The following TPCN1 variants were observed in gnomAD, a reference collection of about 807,000 sequenced individuals.
TPCN1 encodes the protein two pore segment channel 1.
TPCN1 carries 52 observed loss-of-function variants against 108.8 expected under a neutral mutation model. The observed-to-expected ratio is 0.48, with a 90% CI of 0.38 to 0.60. The LOEUF (loss-of-function observed/expected upper bound fraction) is 0.60, where lower values mean the gene tolerates loss of function less well. Ranked by LOEUF, TPCN1 falls within the 20% of genes least tolerant of loss-of-function variation. The probability of loss-of-function intolerance (pLI) is 0.00; values close to 1 mark genes in which losing one functional copy is unlikely to be tolerated. For missense variants in TPCN1, 806 were observed against 1,072.8 expected (o/e 0.75, Z 3.47); for synonymous variants, 446 against 433.7 (o/e 1.03, Z -0.35).
chr12:113,232,935 T>G lies in TPCN1; in HGVS notation c.112+5971T>G. Among the ~76,000 whole-genome samples, 1 of 152,152 alleles carries G rather than the reference T, an allele frequency of 6.6e-6. No homozygotes were observed. The highest frequency in any genetic ancestry group is 1.9e-4 in the East Asian group (1 of 5,182). On this transcript the variant is annotated intron_variant, in intron 2 of 27. Coordinates refer to ENST00000335509, the MANE Select transcript of TPCN1 (RefSeq NM_017901.6). This position sits in a 1 kb window ranked among gnomAD's most constrained non-coding sequence, Gnocchi z 5.6. The stretch of plus-strand genomic sequence containing the variant: ...TAGCAGCTGGAGACCAAGCAGCAAT[T>G]AGATTTTCACAGGCTCCCACCGAGC...
chr12:113,233,523 G>A (rs1017419528), intron 2 of TPCN1, among the ~76,000 whole-genome samples: 12 of 152,232 alleles, frequency 7.9e-5, no homozygotes, highest in Non-Finnish European at 1.5e-4. Flanking sequence ...CAGCCCCCAC[G>A]CCGCCTTCCT....
At chr12:113,292,002 T>C in intron 25 of TPCN1, 44 bp downstream of exon 25, 2 of 1,547,196 alleles carry the variant, frequency 1.3e-6, no homozygotes, top group Non-Finnish European at 1.8e-6. Context: ...ATCTGCCGCC[T>C]ACCCAGCTCT....
At chr12:113,285,600 T>C (rs1006325404) in intron 17 of TPCN1, among the ~76,000 whole-genome samples, 1 of 152,244 alleles carries the variant, frequency 6.6e-6, no homozygotes, top group Non-Finnish European at 1.5e-5. Flanking sequence ...GGTCTCCAAC[T>C]CCTGGGCTCA....
chr12:113,284,953 A>G lies in TPCN1; in HGVS notation c.1453+182A>G, dbSNP rs3815889. 0.17 allele frequency among the ~76,000 whole-genome samples: 25,764 copies of G among 152,112 alleles called. 2,228 individuals are homozygous for G. The highest frequency in any genetic ancestry group is 0.17 in the Middle Eastern group (51 of 294). ...TTCGTGGTTGTCCGCTGCCCTCTGG[A>G]TGGAGCCCAGATCCTAGGCGTGTGT... On this transcript the variant is annotated intron_variant, in intron 17 of 27. Transcript: ENST00000335509. This position sits in a 1 kb window ranked among gnomAD's most constrained non-coding sequence, Gnocchi z 4.1.
intron 2 of TPCN1, among the ~76,000 whole-genome samples, chr12:113,233,023 C>T (rs568953799): frequency 1.3e-5 from 2 of 152,280 alleles, no homozygotes; most frequent in South Asian, 2.1e-4. Context: ...CAAGGCAGAG[C>T]GTCGGGTGTC....
chr12:113,250,340 A>G (rs1344538077), intron 2 of TPCN1, among the ~76,000 whole-genome samples: 1 of 152,150 alleles, frequency 6.6e-6, no homozygotes, highest in African/African-American at 2.4e-5. Flanking sequence ...CCTTGAAGTC[A>G]CCATATACCT....
rs761415083 is a variant in TPCN1, at chr12:113,260,393, C to T, written c.138C>T (p.Asp46=). The part of the protein sequence containing the change: ...SKNGGSYAIH[D]SQAPSLSSGG... ...ATGGCGGCAGCTATGCCATCCACGA[C>T]TCCCAGGCCCCCAGTCTCAGCTCTG... The change falls in exon 3 of 28, where the codon GAC becomes GAT. Residue 46 remains aspartate, a synonymous_variant. Coordinates refer to ENST00000335509, the MANE Select transcript of TPCN1 (RefSeq NM_017901.6). 1.3e-6 allele frequency: 2 copies of T among 1,509,710 alleles called. No individual in the cohort carries two copies. The highest frequency in any genetic ancestry group is 1.8e-6 in the Non-Finnish European group (2 of 1,134,062). The allele number at this position is 1,509,710 out of a possible 1,614,324, so 93.5% of individuals were successfully genotyped here. A position where few individuals can be genotyped will look rare whatever the true frequency, so the allele number is the denominator to read the frequency against.
At chr12:113,247,706 C>T (rs1954453883) in intron 2 of TPCN1, among the ~76,000 whole-genome samples, 1 of 152,256 alleles carries the variant, frequency 6.6e-6, no homozygotes, top group African/African-American at 2.4e-5. Flanking sequence ...TCCATTTGCA[C>T]CCTTTCTATA....
rs1477254621 is a variant in TPCN1, at chr12:113,273,479, C to G, written c.843-90C>G. Reference sequence around the variant, plus strand: ...GAACCAGGGTTGGAGGCTGGGAAGGCAGACAAGGAGCTGTCCTCTGCAAGG... The same window carrying G: ...GAACCAGGGTTGGAGGCTGGGAAGGGAGACAAGGAGCTGTCCTCTGCAAGG... On this transcript the variant is annotated intron_variant, in intron 9 of 27. Coordinates refer to ENST00000335509, the MANE Select transcript of TPCN1 (RefSeq NM_017901.6). This position sits in a 1 kb window ranked among gnomAD's most constrained non-coding sequence, Gnocchi z 4.0. The G allele has an allele frequency of 2.3e-6, 3 of 1,312,136 alleles. No homozygotes were observed. The African/African-American group carries it at 4.4e-5, about 19-fold the overall frequency. The allele number at this position is 1,312,136 out of a possible 1,614,324, so 81.3% of individuals were successfully genotyped here. A position where few individuals can be genotyped will look rare whatever the true frequency, so the allele number is the denominator to read the frequency against.
rs2303618 is a variant in TPCN1, at chr12:113,272,899, T to C, written c.783+207T>C. 0.11 allele frequency among the ~76,000 whole-genome samples: 16,611 copies of C among 152,124 alleles called. 1,062 individuals carry two copies. The highest frequency in any genetic ancestry group is 0.21 in the East Asian group (1,060 of 5,156). ...GAGAGCTGGGGATCCCCTTTTCTGTTCTTGAAAGGAGTGCCGCCAGGATCA... is the reference window on the plus strand; with the variant it reads ...GAGAGCTGGGGATCCCCTTTTCTGTCCTTGAAAGGAGTGCCGCCAGGATCA... On this transcript the variant is annotated intron_variant, in intron 8 of 27. Coordinates refer to ENST00000335509, the MANE Select transcript of TPCN1 (RefSeq NM_017901.6). The surrounding 1 kb of genome is among the most constrained non-coding windows in gnomAD (Gnocchi z 4.1).
Position 113,288,151 on chromosome 12 carries a change from C to T in TPCN1, c.1635-12C>T. On this transcript the variant is annotated splice_polypyrimidine_tract_variant and intron_variant, in intron 19 of 27. Transcript: ENST00000335509. The surrounding 1 kb of genome is among the most constrained non-coding windows in gnomAD (Gnocchi z 4.8). ...CCTGTGTGTGGAGGTGACGGGTGTCCTCCTCGCTCAGGTTGTTTAAGTTGA... is the reference window on the plus strand; with the variant it reads ...CCTGTGTGTGGAGGTGACGGGTGTCTTCCTCGCTCAGGTTGTTTAAGTTGA... 1 of 1,609,796 alleles carries T rather than the reference C, an allele frequency of 6.2e-7. No individual in the cohort carries two copies. The highest frequency in any genetic ancestry group is 1.3e-5 in the African/African-American group (1 of 74,992).
chr12:113,226,903 G>C lies in TPCN1; in HGVS notation c.51G>C (p.Glu17Asp). ...TGCCGCTCATCCTGACCTTGGATGAGGGTGGCAGTGCCCCACTGGCTCCCT... is the reference window on the plus strand; with the variant it reads ...TGCCGCTCATCCTGACCTTGGATGACGGTGGCAGTGCCCCACTGGCTCCCT... ...DDVPLILTLDEGGSAPLAPSN... is the reference protein window; with the variant it reads ...DDVPLILTLDDGGSAPLAPSN... Residue 17 changes from glutamate to aspartate, a missense_variant, in exon 2 of 28, where the codon GAG becomes GAC. Coordinates refer to ENST00000335509, the MANE Select transcript of TPCN1 (RefSeq NM_017901.6). 1 of 1,614,178 alleles carries C rather than the reference G, an allele frequency of 6.2e-7. No homozygotes were observed. Among genetic ancestry groups the C allele is most frequent in the South Asian group, 1.1e-5 (1 of 91,088 alleles).
chr12:113,242,312 G>C (rs1297047980), intron 2 of TPCN1, among the ~76,000 whole-genome samples: 2 of 152,190 alleles, frequency 1.3e-5, no homozygotes, highest in Non-Finnish European at 1.5e-5. Context: ...CACACCATTA[G>C]TCCCCAGTGG....
chr12:113,235,494 A>T (rs1051330), intron 2 of TPCN1, among the ~76,000 whole-genome samples: 5 of 151,296 alleles, frequency 3.3e-5, no homozygotes, highest in South Asian at 4.2e-4. Flanking sequence ...AAGTTTTTTT[A>T]AAAGTAGTGG....
chr12:113,265,772 A>G (rs1317033563), intron 3 of TPCN1, among the ~76,000 whole-genome samples: 2 of 151,838 alleles, frequency 1.3e-5, no homozygotes, highest in African/African-American at 4.8e-5. Flanking sequence ...TGTTGGGATT[A>G]CAGGCATGAG....
intron 2 of TPCN1, among the ~76,000 whole-genome samples, chr12:113,260,076 A>G (rs572889105): frequency 4.4e-4 from 67 of 152,304 alleles, no homozygotes; most frequent in Admixed American, 1.3e-3. Context: ...TTTGGTAAAG[A>G]TAAGTCGATG....
chr12:113,237,602 G>C (rs1193398501), intron 2 of TPCN1, among the ~76,000 whole-genome samples: 1 of 152,060 alleles, frequency 6.6e-6, no homozygotes, highest in Non-Finnish European at 1.5e-5. Context: ...CAAGTGATCT[G>C]CCCACCTCGG....
rs567432239 is a variant in TPCN1, at chr12:113,288,614, C to G, written c.1707-144C>G. 4.7e-4 allele frequency: 717 copies of G among 1,514,330 alleles called. 8 individuals are homozygous for G. The African/African-American group carries it at 8.8e-3, about 19-fold the overall frequency. 93.8% of individuals were successfully genotyped at this position (1,514,330 alleles called of 1,614,324 possible). On this transcript the variant is annotated intron_variant, in intron 20 of 27. Transcript: ENST00000335509. The surrounding 1 kb of genome is among the most constrained non-coding windows in gnomAD (Gnocchi z 4.8). The stretch of plus-strand genomic sequence containing the variant: ...CACCCCAGAGCTGCCCCACGAGGCC[C>G]CTTCCCCGCAGGCACTTTCCAGTTG...
At chr12:113,258,391 C>T (rs4581495) in intron 2 of TPCN1, among the ~76,000 whole-genome samples, 1 of 151,850 alleles carries the variant, frequency 6.6e-6, no homozygotes, top group East Asian at 1.9e-4. Context: ...ACTTGAACCT[C>T]GGAAGCAGAG....
Sources: allele counts gnomAD v4.1 joint callset (sites outside exome capture counted in the v4.1 genomes callset), GRCh38; gene constraint gnomAD v4.1.1; non-coding constraint Gnocchi (gnomAD v3.1); transcripts MANE v1.5; gene names NCBI Gene and HGNC (gene_info 2026-07-23, HGNC 2026-07-21).